Variants in LRRC4C observed in about 807,000 individuals in gnomAD.
LRRC4C encodes leucine-rich repeat-containing protein 4C.
Under a neutral mutation model 33.6 loss-of-function variants are expected in LRRC4C, and 5 were observed. The observed-to-expected ratio is 0.15, with a 90% CI of 0.08 to 0.31. The LOEUF (loss-of-function observed/expected upper bound fraction) is 0.31. Among genes scored for constraint, LRRC4C ranks in the 10% least tolerant of loss-of-function variants. The pLI, the probability that LRRC4C is intolerant of heterozygous loss-of-function variation, is 1.00. For missense variants in LRRC4C, 560 were observed against 796.7 expected, an observed-to-expected ratio of 0.70 and a Z score of 3.58; for synonymous variants, 329 against 302.0, an observed-to-expected ratio of 1.09 and a Z score of -0.93.
chr11:40,115,344 T>C lies in LRRC4C; in HGVS notation c.949A>G (p.Lys317Glu). The C allele has an allele frequency of 6.2e-7, 1 of 1,614,200 alleles. No homozygotes were observed. Among genetic ancestry groups the C allele is most frequent in the Non-Finnish European group, 8.5e-7 (1 of 1,180,038 alleles). ...GCTGTGTTCGAGGGGGCCATGTCTTTTATCCACCAGCTGAGCCACAGTATG... is the reference window on the plus strand; with the variant it reads ...GCTGTGTTCGAGGGGGCCATGTCTTCTATCCACCAGCTGAGCCACAGTATG... ...CDILWLSWWI[K>E]DMAPSNTACC... The change falls in exon 7 of 7, where the codon AAA (lysine) becomes GAA (glutamate). Residue 317 changes from lysine to glutamate, a missense_variant. Around this residue, in one of 3 missense-constraint regions of LRRC4C, gnomAD observed 455 missense variants for 643.8 expected, o/e 0.71. Coordinates refer to ENST00000528697, the MANE Select transcript of LRRC4C (RefSeq NM_001258419.2). This position sits in a 1 kb window ranked among gnomAD's most constrained non-coding sequence, Gnocchi z 6.7.
chr11:41,278,465 A>C (rs1194882255), intron 1 of LRRC4C, among the ~76,000 whole-genome samples: 2 of 152,184 alleles, frequency 1.3e-5, no homozygotes, highest in Non-Finnish European at 2.9e-5. Context: ...ATACTTCAAA[A>C]CGTTATGTTG....
chr11:40,708,423 C>T (rs1022331094), intron 2 of LRRC4C, among the ~76,000 whole-genome samples: 1 of 152,274 alleles, frequency 6.6e-6, no homozygotes, highest in East Asian at 1.9e-4. Context: ...TCTTTGTTCT[C>T]ATTGGTTTCA....
chr11:40,557,164 A>G (rs1957363442), intron 3 of LRRC4C, among the ~76,000 whole-genome samples: 1 of 152,068 alleles, frequency 6.6e-6, no homozygotes, highest in Admixed American at 6.6e-5. Flanking sequence ...ATAGTGCAAT[A>G]TAATATCATT....
intron 3 of LRRC4C, chr11:40,446,555 T>C (rs757757552): frequency 6.6e-6 from 1 of 152,200 alleles, no homozygotes; most frequent in African/African-American, 2.4e-5. Context: ...ACTGGGTGGA[T>C]ACCTGGGAGA....
At chr11:40,838,790 T>C (rs1302725431) in intron 2 of LRRC4C, among the ~76,000 whole-genome samples, 1 of 151,960 alleles carries the variant, frequency 6.6e-6, no homozygotes, top group Non-Finnish European at 1.5e-5. Context: ...GTAGTAAGAA[T>C]ATAATGCCAG....
intron 2 of LRRC4C, among the ~76,000 whole-genome samples, chr11:40,684,044 TA>T (rs1944835968): frequency 6.6e-6 from 1 of 152,100 alleles, no homozygotes; most frequent in African/African-American, 2.4e-5. Context: ...AAAATCTCAG[TA>T]AAAATAAGCT....
chr11:41,436,515 G>C (rs1481900910), intron 1 of LRRC4C, among the ~76,000 whole-genome samples: 1 of 152,198 alleles, frequency 6.6e-6, no homozygotes, highest in Non-Finnish European at 1.5e-5. Flanking sequence ...TTCTTGACCT[G>C]TCAAAGTCCC....
chr11:41,094,606 A>G (rs1179237529), intron 1 of LRRC4C, among the ~76,000 whole-genome samples: 1 of 152,134 alleles, frequency 6.6e-6, no homozygotes, highest in African/African-American at 2.4e-5. Flanking sequence ...CTATCTATTA[A>G]CCCCATATAA....
intron 1 of LRRC4C, among the ~76,000 whole-genome samples, chr11:41,334,646 A>G (rs575759314): frequency 1.3e-3 from 201 of 152,212 alleles, no homozygotes; most frequent in Non-Finnish European, 2.4e-3. Flanking sequence ...AGTCCGGGTA[A>G]AAAGTGAGAC....
intron 1 of LRRC4C, among the ~76,000 whole-genome samples, chr11:41,449,717 A>T (rs1590320914): frequency 6.7e-6 from 1 of 149,494 alleles, no homozygotes. Flanking sequence ...CTACCCAGGG[A>T]TGATAGTAAT....
At chr11:40,502,497 T>C (rs2138638252) in intron 3 of LRRC4C, among the ~76,000 whole-genome samples, 1 of 152,136 alleles carries the variant, frequency 6.6e-6, no homozygotes, top group African/African-American at 2.4e-5. Flanking sequence ...TCTTACAGGG[T>C]GGCAGCAAGA....
At chr11:40,396,672 TA>T (rs1469912589) in intron 3 of LRRC4C, among the ~76,000 whole-genome samples, 1 of 152,168 alleles carries the variant, frequency 6.6e-6, no homozygotes, top group Non-Finnish European at 1.5e-5. Flanking sequence ...TGATATTTAC[TA>T]GGTGCTTATC....
At chr11:40,728,625 CAAAAAA>C (rs60355454) in intron 2 of LRRC4C, among the ~76,000 whole-genome samples, 3 of 51,246 alleles carry the variant, frequency 5.9e-5, no homozygotes, top group Non-Finnish European at 1.1e-4. Context: ...GACTCCGTCT[CAAAAAA>C]AAAAAAAAAA....
chr11:40,765,640 T>A (rs1949415474), intron 2 of LRRC4C, among the ~76,000 whole-genome samples: 1 of 152,016 alleles, frequency 6.6e-6, no homozygotes, highest in Non-Finnish European at 1.5e-5. Flanking sequence ...GAAAAATTTT[T>A]AAAAATCAAG....
chr11:40,659,566 C>T (rs1170653021), intron 2 of LRRC4C, among the ~76,000 whole-genome samples: 1 of 152,148 alleles, frequency 6.6e-6, no homozygotes, highest in East Asian at 1.9e-4. Context: ...ACCCCAGACT[C>T]AGCCAGACTC....
At chr11:40,745,431 G>A (rs961124745) in intron 2 of LRRC4C, among the ~76,000 whole-genome samples, 4 of 152,190 alleles carry the variant, frequency 2.6e-5, no homozygotes, top group East Asian at 1.9e-4. Context: ...CTATGAGAAC[G>A]TTTGATAGAC....
chr11:41,182,008 T>C (rs1945472942), intron 1 of LRRC4C, among the ~76,000 whole-genome samples: 2 of 152,202 alleles, frequency 1.3e-5, no homozygotes, highest in South Asian at 2.1e-4. Flanking sequence ...ATGATTTCAG[T>C]ATAAGTGCAT....
At chr11:40,274,898 C>A (rs551549435) in intron 4 of LRRC4C, among the ~76,000 whole-genome samples, 1 of 152,084 alleles carries the variant, frequency 6.6e-6, no homozygotes, top group Non-Finnish European at 1.5e-5. Context: ...AAGTGAAATG[C>A]ACCCATATTT....
intron 2 of LRRC4C, among the ~76,000 whole-genome samples, chr11:40,834,502 T>A: frequency 6.6e-6 from 1 of 151,564 alleles, no homozygotes; most frequent in Non-Finnish European, 1.5e-5. Flanking sequence ...GTATTTTATA[T>A]CTCTTGAAAT....
Sources: allele counts gnomAD v4.1 joint callset (sites outside exome capture counted in the v4.1 genomes callset), GRCh38; gene constraint gnomAD v4.1.1; regional missense constraint gnomAD v4.1.1; non-coding constraint Gnocchi (gnomAD v3.1); transcripts MANE v1.5; gene names NCBI Gene and HGNC (gene_info 2026-07-23, HGNC 2026-07-21).